Variants in ENTPD6 observed in about 807,000 individuals in gnomAD.
ENTPD6 encodes the protein ectonucleoside triphosphate diphosphohydrolase 6.
Under a neutral mutation model 61.5 loss-of-function variants are expected in ENTPD6, and 46 were observed. That is an observed-to-expected ratio of 0.75 (90% CI 0.59 to 0.96). ENTPD6 has a LOEUF of 0.96. Among genes scored for constraint, ENTPD6 ranks in the 40% least tolerant of loss-of-function variants. The pLI is 0.00. For synonymous variants in ENTPD6, 252 were observed against 255.5 expected (o/e 0.99, Z 0.13); for missense variants, 612 against 629.0 (o/e 0.97, Z 0.29).
At chr20:25,206,300 C>T (rs1411733260) in intron 1 of ENTPD6, among the ~76,000 whole-genome samples, 1 of 152,238 alleles carries the variant, frequency 6.6e-6, no homozygotes, top group Non-Finnish European at 1.5e-5. Context: ...ATGGACGTTC[C>T]CCAAGGTTGG....
chr20:25,204,035 T>G (rs1223840297), intron 1 of ENTPD6, among the ~76,000 whole-genome samples: 1 of 152,250 alleles, frequency 6.6e-6, no homozygotes, highest in Non-Finnish European at 1.5e-5. Flanking sequence ...TCGTGGCTGT[T>G]TCAAAATCTC....
Position 25,207,167 on chromosome 20 carries a change from T to C in ENTPD6, c.146T>C (p.Leu49Pro). Residue 49 changes from leucine to proline, a missense_variant, in exon 3 of 15, where the codon CTG becomes CCG. Leu to Pro is a moderately conservative substitution (Grantham distance 98). Transcript: ENST00000376652. ...RVAKVAYPLG[L>P]CVGVFIYVAY... is the part of the protein sequence containing the mutation. ...GCGAAGGTGGCATACCCCCTGGGGCTGTGTGTGGGCGTGTTCATCTATGTT... is the reference window on the plus strand; with the variant it reads ...GCGAAGGTGGCATACCCCCTGGGGCCGTGTGTGGGCGTGTTCATCTATGTT... The C allele has an allele frequency of 6.2e-7, 1 of 1,614,042 alleles. No individual in the cohort carries two copies. The highest frequency in any genetic ancestry group is 1.1e-5 in the South Asian group (1 of 91,086).
intron 1 of ENTPD6, among the ~76,000 whole-genome samples, chr20:25,204,253 T>G (rs887469893): frequency 6.6e-6 from 1 of 152,208 alleles, no homozygotes; most frequent in African/African-American, 2.4e-5. Flanking sequence ...CTTTATGCCT[T>G]GGTTTTAGTT....
intron 3 of ENTPD6, among the ~76,000 whole-genome samples, chr20:25,209,115 A>ATTTTT (rs35880604): frequency 7.6e-6 from 1 of 132,122 alleles, no homozygotes; most frequent in African/African-American, 2.7e-5. Context: ...TTTTTATTTA[A>ATTTTT]TTTTTTTTTT....
chr20:25,201,086 G>C lies in ENTPD6; in HGVS notation c.-16+5219G>C, dbSNP rs149980402. ...TTGACTCTTCAGTTGTTTAAGATTG[G>C]GCTGTGCTGAATTTCCACATAATTG... On this transcript the variant is annotated intron_variant, in intron 1 of 14. Transcript: ENST00000376652. Among the ~76,000 whole-genome samples the C allele has an allele frequency of 2.1e-3, 319 of 152,224 alleles. 1 individual carries two copies. The highest frequency in any genetic ancestry group is 7.1e-3 in the African/African-American group (293 of 41,528).
intron 5 of ENTPD6, 88 bp from the exon 6 acceptor site, chr20:25,214,779 C>A: frequency 1.2e-6 from 1 of 845,380 alleles, no homozygotes; most frequent in Non-Finnish European, 2.0e-6. Flanking sequence ...ACCCACACTG[C>A]TTCACTTGAC....
At chr20:25,201,055 T>A (rs1355145541) in intron 1 of ENTPD6, among the ~76,000 whole-genome samples, 1 of 152,228 alleles carries the variant, frequency 6.6e-6, no homozygotes, top group African/African-American at 2.4e-5. Context: ...CATTATGACT[T>A]CTTCTTTGAC....
chr20:25,207,184 A>G lies in ENTPD6; in HGVS notation c.163A>G (p.Ile55Val). 3 of 1,614,056 alleles carry G rather than the reference A, an allele frequency of 1.9e-6. No individual in the cohort carries two copies. The highest frequency in any genetic ancestry group is 8.5e-7 in the Non-Finnish European group (1 of 1,180,006). ...YPLGLCVGVFIYVAYIKWHRA... is the reference protein window; with the variant it reads ...YPLGLCVGVFVYVAYIKWHRA... ...CCTGGGGCTGTGTGTGGGCGTGTTC[A>G]TCTATGTTGCCTACATCAAGTGGCA... Residue 55 changes from isoleucine (I) to valine (V), a missense_variant, in exon 3 of 15, where the codon ATC becomes GTC. Coordinates refer to ENST00000376652, the MANE Select transcript of ENTPD6 (RefSeq NM_001247.5).
intron 5 of ENTPD6, among the ~76,000 whole-genome samples, chr20:25,214,254 C>T (rs1372540881): frequency 6.6e-6 from 1 of 152,220 alleles, no homozygotes; most frequent in Non-Finnish European, 1.5e-5. Context: ...TGTCAGGGTC[C>T]CTCACAGGGT....
intron 1 of ENTPD6, among the ~76,000 whole-genome samples, chr20:25,203,366 C>T (rs1433059038): frequency 2.0e-5 from 3 of 152,218 alleles, no homozygotes; most frequent in Non-Finnish European, 4.4e-5. Context: ...AATTTCTCTG[C>T]CCCATTCTCT....
chr20:25,216,201 G>C (rs1600626789), intron 7 of ENTPD6, among the ~76,000 whole-genome samples: 1 of 152,220 alleles, frequency 6.6e-6, no homozygotes, highest in East Asian at 1.9e-4. Context: ...TTATGGGAAA[G>C]AGCAGTGTTT....
intron 13 of ENTPD6, chr20:25,224,704 G>C (rs1333652185): frequency 6.3e-6 from 1 of 159,108 alleles, no homozygotes; most frequent in Non-Finnish European, 1.4e-5. Context: ...CCCCAAAAGT[G>C]GCTTTTTTAA....
intron 8 of ENTPD6, 116 bp from the exon 9 acceptor site, chr20:25,217,386 A>G (rs933836357): frequency 2.2e-6 from 2 of 926,502 alleles, no homozygotes; most frequent in African/African-American, 1.6e-5. Flanking sequence ...CCTAGTGAAC[A>G]GCTCATTTAA....
intron 4 of ENTPD6, among the ~76,000 whole-genome samples, chr20:25,210,752 G>A (rs1328412566): frequency 6.6e-6 from 1 of 152,026 alleles, no homozygotes; most frequent in South Asian, 2.1e-4. Context: ...GACCAAGCTG[G>A]TCAACATGGT....
chr20:25,206,666 G>C, intron 2 of ENTPD6, 76 bp downstream of exon 2: 1 of 1,048,284 alleles, frequency 9.5e-7, no homozygotes, highest in Non-Finnish European at 1.5e-6. Flanking sequence ...CTGAATAGAA[G>C]TATAACTGAG....
rs1309869725 is a variant in ENTPD6 at position 25,209,116 on chromosome 20, T to TTA, written c.377-732_377-731insAT. Among the ~76,000 whole-genome samples, 92 of 120,072 alleles carry TTA rather than the reference T, an allele frequency of 7.7e-4. 1 individual carries two copies. Among genetic ancestry groups the TTA allele is most frequent in the Middle Eastern group, 4.1e-3 (1 of 242 alleles). The allele number at this position is 120,072 out of a possible 152,430, so 78.8% of individuals were successfully genotyped here. ...TTCTTTTTTATTTATTTTTATTTAA[T>TTA]TTTTTTTTTTTGAGATGGAGTCTCG... On this transcript the variant is annotated intron_variant, in intron 3 of 14. Transcript: ENST00000376652.
intron 3 of ENTPD6, among the ~76,000 whole-genome samples, chr20:25,208,322 T>G (rs1256373112): frequency 6.6e-6 from 1 of 152,246 alleles, no homozygotes; most frequent in Non-Finnish European, 1.5e-5. Flanking sequence ...CTTCGAAGCC[T>G]GTAATCCCAG....
intron 5 of ENTPD6, 45 bp downstream of exon 5, chr20:25,213,451 C>T: frequency 6.5e-7 from 1 of 1,543,976 alleles, no homozygotes; most frequent in Admixed American, 2.0e-5. Context: ...CCCTCAGGGG[C>T]AACTGATGAC....
At position 25,225,901 on chromosome 20, in the gene ENTPD6, G is replaced by A. The variant is rs2092784254; in HGVS notation, c.*304G>A. The A allele has an allele frequency of 3.3e-6, 1 of 299,854 alleles. No individual in the cohort carries two copies. 18.6% of individuals were successfully genotyped at this position (299,854 alleles called of 1,614,324 possible). A position where few individuals can be genotyped will look rare whatever the true frequency, so the allele number is the denominator to read the frequency against. On this transcript the variant is annotated 3_prime_UTR_variant, in exon 15 of 15. Coordinates refer to ENST00000376652, the MANE Select transcript of ENTPD6 (RefSeq NM_001247.5). ...GAGGGGGCAGTGTGGCTCCCTGCCT[G>A]TCCCATCCCCATGCCCCGTCCGCGG...
Sources: gnomAD v4.1 joint callset for allele counts (sites outside exome capture counted in the v4.1 genomes callset) on GRCh38, gnomAD v4.1.1 for gene constraint, MANE v1.5 for transcripts, NCBI Gene and HGNC (gene_info 2026-07-23, HGNC 2026-07-21) for gene names.